The following GRM5 variants were observed in gnomAD, a reference collection of about 807,000 sequenced individuals.
GRM5 encodes glutamate metabotropic receptor 5, also known as metabotropic glutamate receptor 5.
Under a neutral mutation model 83.1 loss-of-function variants are expected in GRM5, and 19 were observed. The ratio of observed to expected loss-of-function variants is 0.23; its 90% CI spans 0.16 to 0.34. The LOEUF is 0.34. GRM5 is among the 10% of genes least tolerant of loss of function. GRM5 has a pLI of 1.00. For synonymous variants in GRM5, 675 were observed against 633.6 expected, an observed-to-expected ratio of 1.07 and a Z score of -0.98; for missense variants, 1,160 against 1,588.3, an observed-to-expected ratio of 0.73 and a Z score of 4.58.
At chr11:88,982,378 A>C (rs753953839) in intron 2 of GRM5, among the ~76,000 whole-genome samples, 20 of 152,312 alleles carry the variant, frequency 1.3e-4, no homozygotes, top group Non-Finnish European at 2.4e-4. Context: ...TCTCAATTCT[A>C]ATAGGAAGTA....
At chr11:89,053,997 G>A (rs1941818233) in intron 1 of GRM5, among the ~76,000 whole-genome samples, 1 of 152,174 alleles carries the variant, frequency 6.6e-6, no homozygotes, top group Non-Finnish European at 1.5e-5. Flanking sequence ...TGGTGATGTT[G>A]AACCTGTTTG....
chr11:88,538,272 C>T (rs1449148328), intron 8 of GRM5, among the ~76,000 whole-genome samples: 3 of 152,144 alleles, frequency 2.0e-5, no homozygotes, highest in South Asian at 4.1e-4. Context: ...ATGATGAGAG[C>T]TTGTTTTCAG....
At chr11:88,769,803 A>G (rs552180937) in intron 3 of GRM5, among the ~76,000 whole-genome samples, 1 of 152,212 alleles carries the variant, frequency 6.6e-6, no homozygotes, top group East Asian at 1.9e-4. Context: ...ACGATGCAAA[A>G]GAATTCCAAA....
chr11:88,539,054 T>C (rs1321477152), intron 8 of GRM5, among the ~76,000 whole-genome samples: 3 of 152,220 alleles, frequency 2.0e-5, no homozygotes, highest in Non-Finnish European at 4.4e-5. Flanking sequence ...TCTACCCTTT[T>C]GGATAGGAAG....
At chr11:88,972,614 G>A (rs1939201751) in intron 2 of GRM5, among the ~76,000 whole-genome samples, 1 of 152,092 alleles carries the variant, frequency 6.6e-6, no homozygotes, top group South Asian at 2.1e-4. Context: ...GGAATTAGGA[G>A]ATTACCACTT....
intron 3 of GRM5, among the ~76,000 whole-genome samples, chr11:88,815,757 G>T (rs992269830): frequency 1.3e-5 from 2 of 152,130 alleles, no homozygotes; most frequent in Non-Finnish European, 2.9e-5. Flanking sequence ...CTGACAGTGG[G>T]CATTAATCTA....
intron 2 of GRM5, among the ~76,000 whole-genome samples, chr11:89,043,430 T>C (rs895712710): frequency 1.3e-5 from 2 of 152,220 alleles, no homozygotes; most frequent in African/African-American, 4.8e-5. Context: ...AGCGCTTAAC[T>C]ATTTGAAACA....
intron 1 of GRM5, among the ~76,000 whole-genome samples, chr11:89,051,003 A>T (rs1941746767): frequency 6.6e-6 from 1 of 152,144 alleles, no homozygotes. Context: ...TGAATACTTG[A>T]CTTCATACAT....
intron 2 of GRM5, among the ~76,000 whole-genome samples, chr11:88,980,644 G>A (rs7946249): frequency 0.081 from 12,269 of 151,844 alleles, 1,537 homozygotes; most frequent in African/African-American, 0.27. Context: ...AACATGGTGA[G>A]CCCCCGTCTC....
intron 2 of GRM5, among the ~76,000 whole-genome samples, chr11:88,994,485 A>ATATG (rs1491507869): frequency 8.1e-6 from 1 of 123,480 alleles, no homozygotes; most frequent in Non-Finnish European, 1.7e-5. Flanking sequence ...ATATATATAT[A>ATATG]TTACAATTGC....
chr11:88,609,218 C>T lies in GRM5; in HGVS notation c.1148-4254G>A, dbSNP rs117925149. 4.0e-3 allele frequency among the ~76,000 whole-genome samples: 611 copies of T among 152,244 alleles called. 11 individuals carry two copies. In the East Asian group the frequency reaches 0.066, roughly 16 times the overall value. The stretch of plus-strand genomic sequence containing the variant: ...ATGTCCATGTGTATTCAATGTTTAG[C>T]GCCCACTTATAAATGAGAACATGTA... On this transcript the variant is annotated intron_variant, in intron 4 of 9. Coordinates refer to ENST00000305447, the MANE Select transcript of GRM5 (RefSeq NM_001143831.3).
intron 3 of GRM5, among the ~76,000 whole-genome samples, chr11:88,814,302 A>G (rs138939974): frequency 6.6e-6 from 1 of 152,218 alleles, no homozygotes; most frequent in Non-Finnish European, 1.5e-5. Flanking sequence ...TCTAACATCT[A>G]CAAGATAGAG....
chr11:88,627,195 G>A (rs369901999), intron 4 of GRM5, among the ~76,000 whole-genome samples: 2 of 152,190 alleles, frequency 1.3e-5, no homozygotes. Flanking sequence ...AAGTGGCAGA[G>A]CCAGGATATA....
chr11:89,025,808 T>C (rs1941116416), intron 2 of GRM5, among the ~76,000 whole-genome samples: 1 of 152,172 alleles, frequency 6.6e-6, no homozygotes, highest in Non-Finnish European at 1.5e-5. Flanking sequence ...GTACTACCAT[T>C]CAACCCAGCA....
chr11:89,049,957 C>A (rs1362264558), intron 1 of GRM5, among the ~76,000 whole-genome samples: 1 of 152,086 alleles, frequency 6.6e-6, no homozygotes, highest in African/African-American at 2.4e-5. Flanking sequence ...TTAAAGAAAG[C>A]ACAATTTCTT....
intron 1 of GRM5, among the ~76,000 whole-genome samples, chr11:89,052,595 T>C (rs1212374735): frequency 6.6e-6 from 1 of 152,192 alleles, no homozygotes; most frequent in Non-Finnish European, 1.5e-5. Context: ...GTGTGGCATA[T>C]GTATACCAAG....
intron 2 of GRM5, among the ~76,000 whole-genome samples, chr11:88,866,944 G>A (rs1432329354): frequency 5.9e-5 from 9 of 151,858 alleles, no homozygotes; most frequent in Non-Finnish European, 8.8e-5. Context: ...TTTTCCCAAT[G>A]CCATTTATTA....
chr11:88,963,183 G>C (rs1938837672), intron 2 of GRM5, among the ~76,000 whole-genome samples: 1 of 152,158 alleles, frequency 6.6e-6, no homozygotes, highest in African/African-American at 2.4e-5. Context: ...TTACAAGTTG[G>C]AAAACAAAGG....
intron 2 of GRM5, among the ~76,000 whole-genome samples, chr11:88,963,011 C>T (rs571776502): frequency 2.0e-5 from 3 of 152,220 alleles, no homozygotes; most frequent in Non-Finnish European, 4.4e-5. Context: ...ATTGTTTGAA[C>T]CCAGGAGGCA....
Sources: allele counts gnomAD v4.1 joint callset (sites outside exome capture counted in the v4.1 genomes callset), GRCh38; gene constraint gnomAD v4.1.1; transcripts MANE v1.5; gene names NCBI Gene and HGNC (gene_info 2026-07-23, HGNC 2026-07-21).